The following CRYBG3 variants were observed in gnomAD, a reference collection of about 807,000 sequenced individuals.
CRYBG3 encodes very large A-kinase anchor protein.
Under a neutral mutation model 244.2 loss-of-function variants are expected in CRYBG3, and 127 were observed. That is an observed-to-expected ratio of 0.52 (90% CI 0.45 to 0.60). CRYBG3 has a LOEUF of 0.60. Ranked by LOEUF, CRYBG3 falls within the 20% of genes least tolerant of loss-of-function variation. The pLI is 0.00. For synonymous variants in CRYBG3, 1,132 were observed against 1,195.8 expected, an observed-to-expected ratio of 0.95 and a Z score of 1.10; for missense variants, 3,325 against 3,442.5, an observed-to-expected ratio of 0.97 and a Z score of 0.85.
chr3:97,872,370 C>G lies in CRYBG3; in HGVS notation c.1176C>G (p.Val392=). The G allele has an allele frequency of 1.3e-6, 2 of 1,535,898 alleles. No homozygotes were observed. The highest frequency in any genetic ancestry group is 2.4e-5 in the South Asian group (2 of 84,040). The change falls in exon 4 of 22, where the codon GTC becomes GTG. Residue 392 remains valine, a synonymous_variant. Coordinates refer to ENST00000389622, the MANE Select transcript of CRYBG3 (RefSeq NM_153605.4). ...TAACAGGAAGTAACCATCGCAAAGT[C>G]CCTTGCAGCCCAGATTTTCAGAGAG... is the stretch of plus-strand genomic sequence containing the variant. ...ALLTGSNHRK[V]PCSPDFQRVT... is the part of the protein sequence containing the mutation.
At chr3:97,891,166 A>T (rs886949437) in intron 10 of CRYBG3, among the ~76,000 whole-genome samples, 1 of 152,154 alleles carries the variant, frequency 6.6e-6, no homozygotes, top group Non-Finnish European at 1.5e-5. Context: ...ATACCCTGGA[A>T]TCTCAAGAGA....
chr3:97,928,734 A>G (rs1008547012), intron 17 of CRYBG3, among the ~76,000 whole-genome samples: 2 of 152,008 alleles, frequency 1.3e-5, no homozygotes, highest in Non-Finnish European at 2.9e-5. Context: ...TTCTGTTCCT[A>G]TAGTGAAATT....
chr3:97,917,423 T>G (rs1205226202), intron 17 of CRYBG3, among the ~76,000 whole-genome samples: 3 of 152,158 alleles, frequency 2.0e-5, no homozygotes, highest in Non-Finnish European at 4.4e-5. Flanking sequence ...TATGTAAGGG[T>G]AGCATGTTAG....
chr3:97,857,184 A>C (rs7639140), intron 2 of CRYBG3, among the ~76,000 whole-genome samples: 111 of 152,030 alleles, frequency 7.3e-4, no homozygotes, highest in African/African-American at 2.4e-3. Flanking sequence ...AGTTTCCAAA[A>C]TTTCTTTTGT....
intron 18 of CRYBG3, among the ~76,000 whole-genome samples, chr3:97,935,548 C>A (rs1191770444): frequency 6.6e-6 from 1 of 152,064 alleles, no homozygotes; most frequent in African/African-American, 2.4e-5. Flanking sequence ...AGCTGTAATA[C>A]ATCAAGCTTT....
chr3:97,834,451 C>G (rs550166968), intron 1 of CRYBG3, among the ~76,000 whole-genome samples: 1 of 152,144 alleles, frequency 6.6e-6, no homozygotes, highest in East Asian at 1.9e-4. Flanking sequence ...AAAATGTATA[C>G]AAAAGTGGTT....
At chr3:97,923,352 G>A (rs574824841) in intron 17 of CRYBG3, among the ~76,000 whole-genome samples, 5 of 151,934 alleles carry the variant, frequency 3.3e-5, no homozygotes, top group African/African-American at 1.2e-4. Flanking sequence ...ATAAAAAAAA[G>A]TGTAGAAGAA....
intron 21 of CRYBG3, 42 bp downstream of exon 21, chr3:97,942,485 A>G: frequency 6.6e-7 from 1 of 1,525,346 alleles, no homozygotes; most frequent in Non-Finnish European, 8.9e-7. Flanking sequence ...CCTGGATATT[A>G]GTTTCAGTTC....
In CRYBG3 at chr3:97,874,475, A is replaced by G. The variant is rs1205660239; in HGVS notation, c.3281A>G (p.His1094Arg). The stretch of plus-strand genomic sequence containing the variant: ...ATACAAGTTACCAAAGATCTCACAC[A>G]TGAAGGTACCTCTGTAACTAACCTG... ...DSIQVTKDLT[H>R]EGTSVTNLLY... Residue 1094 changes from histidine to arginine, a missense_variant, in exon 4 of 22, where the codon CAT (histidine) becomes CGT (arginine). His to Arg is a conservative substitution (Grantham distance 29). Coordinates refer to ENST00000389622, the MANE Select transcript of CRYBG3 (RefSeq NM_153605.4). 5 of 1,534,312 alleles carry G rather than the reference A, an allele frequency of 3.3e-6. No homozygotes were observed. The East Asian group carries it at 1.2e-4, about 37-fold the overall frequency.
chr3:97,845,937 C>A (rs1044832157), intron 2 of CRYBG3, among the ~76,000 whole-genome samples: 1 of 152,196 alleles, frequency 6.6e-6, no homozygotes, highest in African/African-American at 2.4e-5. Context: ...CTGTCTTAAG[C>A]ATTGTTCAGT....
intron 2 of CRYBG3, among the ~76,000 whole-genome samples, chr3:97,857,680 C>A (rs1162511905): frequency 6.6e-6 from 1 of 151,888 alleles, no homozygotes; most frequent in Middle Eastern, 3.4e-3. Context: ...TGTCTTTTTC[C>A]ATCCATTTAC....
intron 15 of CRYBG3, 115 bp from the exon 16 acceptor site, chr3:97,912,052 T>G: frequency 2.0e-6 from 1 of 490,968 alleles, no homozygotes; most frequent in Non-Finnish European, 3.6e-6. Context: ...AGATAAAACA[T>G]GAGTCTGATA....
intron 11 of CRYBG3, among the ~76,000 whole-genome samples, chr3:97,893,293 G>A (rs564370928): frequency 2.6e-5 from 4 of 152,308 alleles, no homozygotes; most frequent in East Asian, 1.9e-4. Flanking sequence ...AGTTATGAAC[G>A]TGAATGACAG....
intron 18 of CRYBG3, among the ~76,000 whole-genome samples, chr3:97,935,108 C>T (rs1207305836): frequency 2.0e-5 from 3 of 152,046 alleles, no homozygotes; most frequent in African/African-American, 7.2e-5. Flanking sequence ...AATGTACAGC[C>T]AGCTTCCCTT....
intron 17 of CRYBG3, among the ~76,000 whole-genome samples, chr3:97,926,669 C>T (rs1293669870): frequency 1.3e-5 from 2 of 151,986 alleles, no homozygotes; most frequent in African/African-American, 4.8e-5. Context: ...ACTTAGAGAA[C>T]CCCATAGTCT....
At position 97,822,110 on chromosome 3, in the gene CRYBG3, C is replaced by T; in HGVS notation, c.-97C>T. On this transcript the variant is annotated 5_prime_UTR_variant, in exon 1 of 22. Transcript: ENST00000389622. ...GCAGCTCGCGTCGAGTCGGTCTGCC[C>T]TAGCCGCATCCCGCGGCGCCCGGTC... 8.4e-7 allele frequency: 1 copy of T among 1,195,504 alleles called. No individual in the cohort carries two copies. The highest frequency in any genetic ancestry group is 1.1e-6 in the Non-Finnish European group (1 of 905,358). 74.1% of individuals were successfully genotyped at this position (1,195,504 alleles called of 1,614,324 possible). A position where few individuals can be genotyped will look rare whatever the true frequency, so the allele number is the denominator to read the frequency against.
chr3:97,855,881 G>C (rs925327502), intron 2 of CRYBG3, among the ~76,000 whole-genome samples: 2 of 152,144 alleles, frequency 1.3e-5, no homozygotes, highest in Middle Eastern at 3.2e-3. Flanking sequence ...CGAGATCACA[G>C]GACCACAAGA....
At position 97,881,104 on chromosome 3, in the gene CRYBG3, G is replaced by C; in HGVS notation, c.7037G>C (p.Gly2346Ala). 1 of 1,606,106 alleles carries C rather than the reference G, an allele frequency of 6.2e-7. No individual in the cohort carries two copies. The highest frequency in any genetic ancestry group is 8.5e-7 in the Non-Finnish European group (1 of 1,176,794). ...WILYEKPHFRGQKCVLEEGEK... is the reference protein window; with the variant it reads ...WILYEKPHFRAQKCVLEEGEK... ...TTATATGAGAAACCACATTTCCGAG[G>C]TCAGAAATGTGTGCTAGAAGAAGGG... The change falls in exon 7 of 22, where the codon GGT becomes GCT. Residue 2346 changes from glycine (G) to alanine (A), a missense_variant. By Grantham distance (60) the Gly-to-Ala change is moderately conservative. Around this residue, in one of 4 missense-constraint regions of CRYBG3, gnomAD observed 714 missense variants for 803.6 expected, o/e 0.89. Transcript: ENST00000389622.
At chr3:97,835,876 C>A (rs1216992517) in intron 1 of CRYBG3, among the ~76,000 whole-genome samples, 1 of 152,044 alleles carries the variant, frequency 6.6e-6, no homozygotes, top group African/African-American at 2.4e-5. Context: ...CACATCACAG[C>A]GAGGGATTCA....
Sources: allele counts gnomAD v4.1 joint callset (sites outside exome capture counted in the v4.1 genomes callset), GRCh38; gene constraint gnomAD v4.1.1; regional missense constraint gnomAD v4.1.1; transcripts MANE v1.5; gene names NCBI Gene and HGNC (gene_info 2026-07-23, HGNC 2026-07-21).